NUP210: variants seen among roughly 807,000 people sequenced by gnomAD.
The protein encoded by NUP210 is nuclear pore membrane glycoprotein 210.
In NUP210, 151 loss-of-function variants were observed where a neutral mutation model predicts 196.0. That is an observed-to-expected ratio of 0.77 (90% confidence interval 0.67 to 0.88). The LOEUF (loss-of-function observed/expected upper bound fraction) is 0.88, where lower values mean the gene tolerates loss of function less well. Among genes scored for constraint, NUP210 ranks in the 40% least tolerant of loss-of-function variants. NUP210 has a pLI of 0.00. For synonymous variants in NUP210, 1,070 were observed against 1,052.7 expected (o/e 1.02, Z -0.32); for missense variants, 2,314 against 2,493.7 (o/e 0.93, Z 1.53).
intron 1 of NUP210, among the ~76,000 whole-genome samples, chr3:13,407,161 C>T (rs1180384655): frequency 1.3e-5 from 2 of 152,174 alleles, no homozygotes. Flanking sequence ...TCTCACAGCT[C>T]TCAGATCTAG....
chr3:13,375,509 T>C lies in NUP210; in HGVS notation c.1426A>G (p.Ile476Val), dbSNP rs779292363. ...AGGTGAGGGGTCTCACGTACCCTTA[T>C]TGTGTACTGATAGGCGCCCGTCTTT... Reference protein sequence around the residue: ...QPKTGAYQYTIRAHGGSGNFS... With the variant: ...QPKTGAYQYTVRAHGGSGNFS... Residue 476 changes from isoleucine to valine, a missense_variant, in exon 11 of 40, where the codon ATA (isoleucine) becomes GTA (valine). Physicochemically the swap from Ile to Val is conservative, Grantham distance 29. Coordinates refer to ENST00000254508, the MANE Select transcript of NUP210 (RefSeq NM_024923.4). 5 of 1,613,906 alleles carry C rather than the reference T, an allele frequency of 3.1e-6. No homozygotes were observed. Among genetic ancestry groups the C allele is most frequent in the Admixed American group, 1.7e-5 (1 of 59,984 alleles).
rs1434542669 is a variant in NUP210 at position 13,343,228 on chromosome 3, C to G, written c.2911G>C (p.Ala971Pro). Residue 971 changes from alanine (A) to proline (P), a missense_variant, in exon 21 of 40, where the codon GCT becomes CCT. By Grantham distance (27) the Ala-to-Pro change is conservative. Coordinates refer to ENST00000254508, the MANE Select transcript of NUP210 (RefSeq NM_024923.4). ...TGAATGTCCGACACGTAAACGACAG[C>G]CTTGGCTGGGGCCGGGAAGACGAGG... ...LCLVFPAPAK[A>P]VVYVSDIQEL... 1.2e-6 allele frequency: 2 copies of G among 1,613,698 alleles called. No individual in the cohort carries two copies. The highest frequency in any genetic ancestry group is 1.1e-5 in the South Asian group (1 of 91,080).
At position 13,358,303 on chromosome 3, in the gene NUP210, C is replaced by CT. The variant is rs746650183; in HGVS notation, c.2246_2247insA (p.Ser750ValfsTer73). On this transcript the variant is annotated frameshift_variant, in exon 16 of 40. Transcript: ENST00000254508. LOFTEE classifies it high-confidence loss of function. ...AGACAGGCGCGAGGGTGAGCCTGGA[C>CT]GGTGGGGCGCAGACGAACTTCACCA... 3.1e-6 allele frequency: 5 copies of CT among 1,613,748 alleles called. 1 individual carries two copies. The South Asian group carries it at 5.5e-5, about 18-fold the overall frequency.
Position 13,341,876 on chromosome 3 carries a change from C to T in NUP210, c.3100G>A (p.Asp1034Asn), listed in dbSNP as rs1225633961. ...ASPIITLVAL[D>N]EALDNYTITF... ...ATGGTGTAGTTGTCAAGGGCTTCAT[C>T]AAGGGCCCTGAAACAGAGGGAAGGG... Residue 1034 changes from aspartate (D) to asparagine (N), a missense_variant, in exon 23 of 40, where the codon GAT (aspartate) becomes AAT (asparagine). Asp to Asn is a conservative substitution (Grantham distance 23). Coordinates refer to ENST00000254508, the MANE Select transcript of NUP210 (RefSeq NM_024923.4). 6.2e-7 allele frequency: 1 copy of T among 1,614,162 alleles called. No individual in the cohort carries two copies. The highest frequency in any genetic ancestry group is 1.3e-5 in the African/African-American group (1 of 75,044).
chr3:13,397,446 A>G lies in NUP210; in HGVS notation c.347T>C (p.Ile116Thr). 1 of 1,612,826 alleles carries G rather than the reference A, an allele frequency of 6.2e-7. No homozygotes were observed. The highest frequency in any genetic ancestry group is 8.5e-7 in the Non-Finnish European group (1 of 1,179,488). ...GGTGGAGACGATCTGGATGTCATGG[A>G]TGAGGTCCACAATGGCATCACAGCG... ...VLRCDAIVDLIHDIQIVSTTR... is the reference protein window; with the variant it reads ...VLRCDAIVDLTHDIQIVSTTR... The change falls in exon 3 of 40, where the codon ATC (isoleucine) becomes ACC (threonine). Residue 116 changes from isoleucine (I) to threonine (T), a missense_variant. Ile to Thr is a moderately conservative substitution (Grantham distance 89). Transcript: ENST00000254508.
At chr3:13,416,944 T>G (rs1232227853) in intron 1 of NUP210, among the ~76,000 whole-genome samples, 1 of 152,250 alleles carries the variant, frequency 6.6e-6, no homozygotes, top group Non-Finnish European at 1.5e-5. Context: ...TTTCGTCTGT[T>G]CTCCCAGTTT....
chr3:13,336,101 C>T (rs1042342085), intron 27 of NUP210, among the ~76,000 whole-genome samples: 25 of 152,216 alleles, frequency 1.6e-4, no homozygotes, highest in Non-Finnish European at 3.5e-4. Flanking sequence ...GGGGGGCATT[C>T]GTCCCACACT....
intron 33 of NUP210, among the ~76,000 whole-genome samples, chr3:13,325,066 G>A (rs1457528151): frequency 6.6e-6 from 1 of 152,172 alleles, no homozygotes; most frequent in African/African-American, 2.4e-5. Context: ...AAACTGCCTG[G>A]AATCTGGTGC....
chr3:13,417,192 C>T (rs1277394534), intron 1 of NUP210, among the ~76,000 whole-genome samples: 2 of 152,120 alleles, frequency 1.3e-5, no homozygotes, highest in Non-Finnish European at 1.5e-5. Flanking sequence ...AACTCAGTGT[C>T]CATCGCTACA....
At chr3:13,419,583 C>T (rs1322038413) in intron 1 of NUP210, among the ~76,000 whole-genome samples, 3 of 152,238 alleles carry the variant, frequency 2.0e-5, no homozygotes, top group African/African-American at 7.2e-5. Flanking sequence ...CTCCGTTCCT[C>T]CCCGCGACGC....
intron 32 of NUP210, among the ~76,000 whole-genome samples, chr3:13,326,431 A>C (rs990857020): frequency 5.3e-5 from 8 of 152,238 alleles, no homozygotes; most frequent in African/African-American, 1.9e-4. Context: ...ATCACATTAT[A>C]TAATAAGTAC....
chr3:13,408,175 G>C (rs919333732), intron 1 of NUP210, among the ~76,000 whole-genome samples: 4 of 152,178 alleles, frequency 2.6e-5, no homozygotes, highest in Non-Finnish European at 5.9e-5. Context: ...TCATTACACT[G>C]ATTTTTTAAA....
At chr3:13,398,659 C>A (rs1576418708) in intron 2 of NUP210, among the ~76,000 whole-genome samples, 1 of 152,190 alleles carries the variant, frequency 6.6e-6, no homozygotes, top group African/African-American at 2.4e-5. Flanking sequence ...GTAGCTCACA[C>A]ATGTAATTCC....
chr3:13,318,080 C>T (rs962209960), intron 39 of NUP210, among the ~76,000 whole-genome samples: 24 of 152,212 alleles, frequency 1.6e-4, no homozygotes. Context: ...AGGGAGGCCC[C>T]GTGCATCTGA....
chr3:13,369,295 C>T (rs2124906465), intron 13 of NUP210, among the ~76,000 whole-genome samples: 1 of 152,280 alleles, frequency 6.6e-6, no homozygotes, highest in South Asian at 2.1e-4. Flanking sequence ...TTGCTGCTGA[C>T]ACGTAGGAGT....
Position 13,391,216 on chromosome 3 carries a change from C to A in NUP210, c.528G>T (p.Ala176=), listed in dbSNP as rs1304865372. ...CTAGCAGAGGCACCCCTTACCGCAG[C>A]GCATTGTGGGAGTCTGAGAACCTGT... The part of the protein sequence containing the change: ...EADRFSDSHN[A]LRILTFLEST... Residue 176 remains alanine, a synonymous_variant, in exon 4 of 40, where the codon GCG becomes GCT. Coordinates refer to ENST00000254508, the MANE Select transcript of NUP210 (RefSeq NM_024923.4). The A allele has an allele frequency of 1.2e-6, 2 of 1,610,476 alleles. No homozygotes were observed. The highest frequency in any genetic ancestry group is 1.7e-5 in the Admixed American group (1 of 59,828).
chr3:13,418,790 AAAACAAAC>A (rs375003927), intron 1 of NUP210, among the ~76,000 whole-genome samples: 8 of 151,600 alleles, frequency 5.3e-5, no homozygotes, highest in Middle Eastern at 3.4e-3. Context: ...GTGCACTCTA[AAAACAAAC>A]AAACAAACAA....
intron 22 of NUP210, 46 bp from the exon 23 acceptor site, chr3:13,341,929 G>C: frequency 6.2e-7 from 1 of 1,613,456 alleles, no homozygotes; most frequent in Non-Finnish European, 8.5e-7. Flanking sequence ...CCACCCCGTG[G>C]GAAAGGCTGC....
intron 1 of NUP210, among the ~76,000 whole-genome samples, chr3:13,415,476 G>A (rs886100513): frequency 2.0e-5 from 3 of 152,174 alleles, no homozygotes; most frequent in Non-Finnish European, 2.9e-5. Flanking sequence ...TCTAAGGCCA[G>A]GCATAAGGAA....
Sources: gnomAD v4.1 joint callset for allele counts (sites outside exome capture counted in the v4.1 genomes callset) on GRCh38, gnomAD v4.1.1 for gene constraint, MANE v1.5 for transcripts, NCBI Gene and HGNC (gene_info 2026-07-23, HGNC 2026-07-21) for gene names.